The following RBFOX1 variants were observed in gnomAD, a reference collection of about 807,000 sequenced individuals.
RBFOX1 encodes the protein RNA binding protein fox-1 homolog 1.
Under a neutral mutation model 57.7 loss-of-function variants are expected in RBFOX1, and 8 were observed. The ratio of observed to expected loss-of-function variants is 0.14; its 90% CI spans 0.08 to 0.25. RBFOX1 has a LOEUF of 0.25. RBFOX1 is among the 10% of genes least tolerant of loss of function. The pLI is 1.00. For synonymous variants in RBFOX1, 326 were observed against 222.4 expected, an observed-to-expected ratio of 1.47 and a Z score of -4.15; for missense variants, 611 against 548.5, an observed-to-expected ratio of 1.11 and a Z score of -1.14.
At chr16:6,788,753 G>T (rs1208855098) in intron 3 of RBFOX1, among the ~76,000 whole-genome samples, 1 of 151,932 alleles carries the variant, frequency 6.6e-6, no homozygotes, top group Non-Finnish European at 1.5e-5. Flanking sequence ...GGGATTACAG[G>T]TGTGAGCGAC....
At chr16:7,160,464 T>G (rs1384107195) in intron 4 of RBFOX1, among the ~76,000 whole-genome samples, 1 of 152,188 alleles carries the variant, frequency 6.6e-6, no homozygotes, top group East Asian at 1.9e-4. Flanking sequence ...ACATTAAATG[T>G]GTAACGTGCA....
At chr16:6,314,294 T>A (rs1258367756) in intron 1 of RBFOX1, among the ~76,000 whole-genome samples, 2 of 152,206 alleles carry the variant, frequency 1.3e-5, no homozygotes, top group Non-Finnish European at 2.9e-5. Flanking sequence ...CAGTGTTGAA[T>A]TAAACATTGC....
intron 4 of RBFOX1, among the ~76,000 whole-genome samples, chr16:7,083,119 T>G (rs887540931): frequency 6.6e-6 from 1 of 152,206 alleles, no homozygotes; most frequent in Non-Finnish European, 1.5e-5. Flanking sequence ...AGGAATTGAT[T>G]GAATCATCAA....
chr16:7,106,742 A>C (rs2063652955), intron 4 of RBFOX1, among the ~76,000 whole-genome samples: 1 of 152,160 alleles, frequency 6.6e-6, no homozygotes, highest in Non-Finnish European at 1.5e-5. Flanking sequence ...AATCCCTGCC[A>C]CCAAGAAGCA....
intron 2 of RBFOX1, among the ~76,000 whole-genome samples, chr16:6,615,656 A>T (rs957310447): frequency 1.3e-5 from 2 of 152,154 alleles, no homozygotes; most frequent in Non-Finnish European, 2.9e-5. Flanking sequence ...TTTCACATGA[A>T]ATGTCCATGT....
At chr16:7,094,744 CTGTGTGTG>C (rs370249382) in intron 4 of RBFOX1, among the ~76,000 whole-genome samples, 3,553 of 139,414 alleles carry the variant, frequency 0.025, 66 homozygotes, top group African/African-American at 0.054. Flanking sequence ...GACTGTACAG[CTGTGTGTG>C]TGTGTGTGTG....
chr16:6,893,623 G>A (rs976866870), intron 3 of RBFOX1, among the ~76,000 whole-genome samples: 4 of 152,108 alleles, frequency 2.6e-5, no homozygotes, highest in Non-Finnish European at 5.9e-5. Context: ...GAGAAAAGGA[G>A]AACAAAAGCC....
intron 3 of RBFOX1, among the ~76,000 whole-genome samples, chr16:5,709,710 C>G (rs961813391): frequency 5.6e-5 from 5 of 89,934 alleles, no homozygotes; most frequent in East Asian, 2.1e-4. Flanking sequence ...ACCTGGTATT[C>G]TATGGTATAT....
chr16:5,270,075 A>T (rs2062967011), intron 1 of RBFOX1: 1 of 207,378 alleles, frequency 4.8e-6, no homozygotes, highest in Admixed American at 5.6e-5. Context: ...TGGGCAGATC[A>T]CTTGATATCA....
At chr16:5,629,129 T>C (rs1275692633) in intron 3 of RBFOX1, among the ~76,000 whole-genome samples, 1 of 152,146 alleles carries the variant, frequency 6.6e-6, no homozygotes, top group Non-Finnish European at 1.5e-5. Flanking sequence ...TATTTTACTC[T>C]TCATTTTCCA....
intron 4 of RBFOX1, among the ~76,000 whole-genome samples, chr16:7,419,226 T>A (rs913136988): frequency 2.0e-5 from 3 of 152,110 alleles, no homozygotes; most frequent in Non-Finnish European, 2.9e-5. Flanking sequence ...AGCCAAGAGT[T>A]GTTTTTATCA....
intron 3 of RBFOX1, among the ~76,000 whole-genome samples, chr16:6,805,090 G>A (rs553869738): frequency 2.0e-4 from 31 of 152,218 alleles, no homozygotes; most frequent in African/African-American, 6.7e-4. Context: ...ACCCATGCAC[G>A]TGAATGTTCA....
At chr16:6,351,169 G>C (rs894597813) in intron 2 of RBFOX1, among the ~76,000 whole-genome samples, 1 of 151,958 alleles carries the variant, frequency 6.6e-6, no homozygotes, top group African/African-American at 2.4e-5. Flanking sequence ...TACAGGGAAA[G>C]ATACATAATC....
chr16:5,988,220 G>A (rs970149345), intron 4 of RBFOX1, among the ~76,000 whole-genome samples: 5 of 152,166 alleles, frequency 3.3e-5, no homozygotes, highest in Non-Finnish European at 7.3e-5. Flanking sequence ...TTAACTCAGG[G>A]AAGTCTTTTC....
chr16:6,160,912 C>T (rs774675185), intron 1 of RBFOX1, among the ~76,000 whole-genome samples: 1 of 152,188 alleles, frequency 6.6e-6, no homozygotes, highest in Admixed American at 6.5e-5. Context: ...TCTCCGCACA[C>T]GATCCTGCTT....
chr16:5,412,270 A>T (rs946011414), intron 1 of RBFOX1, among the ~76,000 whole-genome samples: 9 of 152,208 alleles, frequency 5.9e-5, no homozygotes, highest in Non-Finnish European at 8.8e-5. Context: ...TGAGTTAGGA[A>T]CACCAACTCA....
At chr16:6,070,666 T>TA (rs57974285) in intron 1 of RBFOX1, among the ~76,000 whole-genome samples, 5 of 150,446 alleles carry the variant, frequency 3.3e-5, no homozygotes, top group East Asian at 2.0e-4. Flanking sequence ...TTAGCTTTTC[T>TA]AAAAAAAAAA....
intron 4 of RBFOX1, among the ~76,000 whole-genome samples, chr16:5,904,438 C>T (rs1036432222): frequency 6.6e-6 from 1 of 151,772 alleles, no homozygotes; most frequent in Non-Finnish European, 1.5e-5. Flanking sequence ...GCCCTCAGGG[C>T]AGGAAATATG....
chr16:7,705,073 G>A (rs1029914998), intron 14 of RBFOX1, among the ~76,000 whole-genome samples: 4 of 149,732 alleles, frequency 2.7e-5, no homozygotes, highest in African/African-American at 4.9e-5. Context: ...AAGGCAGAGA[G>A]CCAGAGAAAG....
Sources: allele counts gnomAD v4.1 joint callset (sites outside exome capture counted in the v4.1 genomes callset), GRCh38; gene constraint gnomAD v4.1.1; transcripts MANE v1.5; gene names NCBI Gene and HGNC (gene_info 2026-07-23, HGNC 2026-07-21).